The following CRYBG3 variants were observed in gnomAD, a reference collection of about 807,000 sequenced individuals.
CRYBG3 encodes very large A-kinase anchor protein.
Under a neutral mutation model 244.2 loss-of-function variants are expected in CRYBG3, and 127 were observed. That is an observed-to-expected ratio of 0.52 (90% CI 0.45 to 0.60). The LOEUF is 0.60. Ranked by LOEUF, CRYBG3 falls within the 20% of genes least tolerant of loss-of-function variation. The probability of loss-of-function intolerance (pLI) is 0.00; values close to 1 mark genes in which losing one functional copy is unlikely to be tolerated. For missense variants in CRYBG3, 3,325 were observed against 3,442.5 expected (o/e 0.97, Z 0.85); for synonymous variants, 1,132 against 1,195.8 (o/e 0.95, Z 1.10).
intron 19 of CRYBG3, 99 bp from the exon 20 acceptor site, chr3:97,941,045 TAAGA>T: frequency 1.1e-6 from 1 of 884,742 alleles, no homozygotes; most frequent in South Asian, 1.7e-5. Context: ...CTGATATAAC[TAAGA>T]TAGTTACCTC....
At chr3:97,869,726 T>A (rs898959156) in intron 3 of CRYBG3, among the ~76,000 whole-genome samples, 6 of 152,194 alleles carry the variant, frequency 3.9e-5, no homozygotes, top group African/African-American at 1.4e-4. Flanking sequence ...CTTTTCTTTA[T>A]GCATCTCCTT....
At chr3:97,840,853 A>G (rs897780933) in intron 1 of CRYBG3, among the ~76,000 whole-genome samples, 1 of 152,042 alleles carries the variant, frequency 6.6e-6, no homozygotes, top group Admixed American at 6.6e-5. Context: ...ATTATTCTTA[A>G]TTATACCCCA....
chr3:97,827,492 G>C (rs188214760), intron 1 of CRYBG3, among the ~76,000 whole-genome samples: 1 of 152,306 alleles, frequency 6.6e-6, no homozygotes. Flanking sequence ...GACTGTCCCT[G>C]AATGTTTTAC....
At chr3:97,913,441 A>G (rs2039895704) in intron 16 of CRYBG3, among the ~76,000 whole-genome samples, 1 of 152,232 alleles carries the variant, frequency 6.6e-6, no homozygotes, top group South Asian at 2.1e-4. Context: ...CAACACTGCT[A>G]TTAGATGTAG....
At chr3:97,868,209 A>G (rs1487735031) in intron 3 of CRYBG3, among the ~76,000 whole-genome samples, 3 of 151,262 alleles carry the variant, frequency 2.0e-5, no homozygotes, top group Non-Finnish European at 4.4e-5. Flanking sequence ...GCGTGAACCC[A>G]GGAGGCAGAG....
In CRYBG3 at chr3:97,822,146, CA is replaced by C. The variant is rs2038508560; in HGVS notation, c.-60del. 7.3e-7 allele frequency: 1 copy of C among 1,363,892 alleles called. No individual in the cohort carries two copies. The highest frequency in any genetic ancestry group is 1.5e-5 in the African/African-American group (1 of 66,048). The allele number at this position is 1,363,892 out of a possible 1,614,324, so 84.5% of individuals were successfully genotyped here. ...CCGCGGCGCCCGGTCGGGCTCCGGG[CA>C]CCAGGCAACACCTAGGCCGTTCCCT... On this transcript the variant is annotated 5_prime_UTR_variant, in exon 1 of 22. Coordinates refer to ENST00000389622, the MANE Select transcript of CRYBG3 (RefSeq NM_153605.4).
chr3:97,917,628 A>G (rs947472139), intron 17 of CRYBG3, among the ~76,000 whole-genome samples: 12 of 152,188 alleles, frequency 7.9e-5, no homozygotes, highest in Non-Finnish European at 1.5e-4. Flanking sequence ...TTGCTATGTA[A>G]ACCAGAAGGT....
Position 97,881,191 on chromosome 3 carries a change from T to C in CRYBG3, c.7124T>C (p.Ile2375Thr), listed in dbSNP as rs1256550993. Residue 2375 changes from isoleucine (I) to threonine (T), a missense_variant, in exon 7 of 22, where the codon ATA (isoleucine) becomes ACA (threonine). Ile to Thr is a moderately conservative substitution (Grantham distance 89). Transcript: ENST00000389622. Reference protein sequence around the residue: ...QNRRHPQRNFILGSLKRVLKD... With the variant: ...QNRRHPQRNFTLGSLKRVLKD... The stretch of plus-strand genomic sequence containing the variant: ...AGAAGGCATCCACAAAGAAACTTTA[T>C]ATTGGGTTCTCTCAAACGTGTCTTA... The C allele has an allele frequency of 2.5e-6, 4 of 1,608,890 alleles. No homozygotes were observed. Among genetic ancestry groups the C allele is most frequent in the Admixed American group, 3.4e-5 (2 of 59,258 alleles).
chr3:97,871,726 T>C, intron 3 of CRYBG3, 116 bp from the exon 4 acceptor site: 1 of 641,680 alleles, frequency 1.6e-6, no homozygotes, highest in Non-Finnish European at 2.4e-6. Flanking sequence ...ACTCCCCAAA[T>C]TGGTACATAT....
At chr3:97,866,947 A>T (rs2108207249) in intron 3 of CRYBG3, 1 of 152,290 alleles carries the variant, frequency 6.6e-6, no homozygotes, top group Admixed American at 6.5e-5. Context: ...TAGCTTTGAA[A>T]ATCCCACAGT....
intron 15 of CRYBG3, among the ~76,000 whole-genome samples, chr3:97,906,265 T>C (rs1467995129): frequency 7.8e-6 from 1 of 128,758 alleles, no homozygotes; most frequent in Non-Finnish European, 1.7e-5. Flanking sequence ...AAAGTAGTTT[T>C]TTCCAATTCT....
At chr3:97,863,876 G>T (rs936966111) in intron 2 of CRYBG3, among the ~76,000 whole-genome samples, 1 of 152,070 alleles carries the variant, frequency 6.6e-6, no homozygotes, top group African/African-American at 2.4e-5. Context: ...GCATCACATA[G>T]TCACTTTTTC....
chr3:97,845,656 G>C (rs984250107), intron 2 of CRYBG3, among the ~76,000 whole-genome samples: 8 of 152,040 alleles, frequency 5.3e-5, no homozygotes, highest in South Asian at 2.1e-4. Flanking sequence ...GCCTTGAAAG[G>C]CTAAATTCCC....
chr3:97,904,547 A>G (rs948618866), intron 15 of CRYBG3, among the ~76,000 whole-genome samples: 3 of 152,148 alleles, frequency 2.0e-5, no homozygotes, highest in Admixed American at 6.5e-5. Flanking sequence ...TCATGGCTTC[A>G]TTGTGAAAAT....
chr3:97,849,591 T>C lies in CRYBG3; in HGVS notation c.216+6330T>C, dbSNP rs368946414. Among the ~76,000 whole-genome samples, 170 of 152,282 alleles carry C rather than the reference T, an allele frequency of 1.1e-3. 1 individual carries two copies. The highest frequency in any genetic ancestry group is 3.9e-3 in the African/African-American group (162 of 41,578). ...CACTTGACATCTTGTAGTTATTGAA[T>C]TGATTGTGTTGTAAGGTATCTGGTT... On this transcript the variant is annotated intron_variant, in intron 2 of 21. Coordinates refer to ENST00000389622, the MANE Select transcript of CRYBG3 (RefSeq NM_153605.4).
Position 97,880,020 on chromosome 3 carries a change from A to G in CRYBG3, c.6924A>G (p.Lys2308=). The part of the protein sequence containing the change: ...VIYDLHESTY[K]QEVYCNIPDA... ...ATGATCTCCATGAAAGTACATATAA[A>G]CAAGAAGTCTACTGTAATATTCCTG... The change falls in exon 6 of 22, where the codon AAA becomes AAG. Residue 2308 remains lysine (K), a synonymous_variant. Coordinates refer to ENST00000389622, the MANE Select transcript of CRYBG3 (RefSeq NM_153605.4). 1 of 1,596,654 alleles carries G rather than the reference A, an allele frequency of 6.3e-7. No homozygotes were observed. Among genetic ancestry groups the G allele is most frequent in the Non-Finnish European group, 8.6e-7 (1 of 1,167,096 alleles).
chr3:97,842,171 A>G (rs890502798), intron 1 of CRYBG3, among the ~76,000 whole-genome samples: 1 of 152,184 alleles, frequency 6.6e-6, no homozygotes, highest in Non-Finnish European at 1.5e-5. Context: ...TCCTTGGCAT[A>G]TGGTAGAGAG....
chr3:97,943,462 T>C lies in CRYBG3; in HGVS notation c.*148T>C. On this transcript the variant is annotated 3_prime_UTR_variant, in exon 22 of 22. Coordinates refer to ENST00000389622, the MANE Select transcript of CRYBG3 (RefSeq NM_153605.4). Reference sequence around the variant, plus strand: ...ACATTTTCTCCAGCCTCTGAGACTATCGCTCTTAACCATGGAAAAGCTCAA... The same window carrying C: ...ACATTTTCTCCAGCCTCTGAGACTACCGCTCTTAACCATGGAAAAGCTCAA... 1 of 618,012 alleles carries C rather than the reference T, an allele frequency of 1.6e-6. No individual in the cohort carries two copies. Among genetic ancestry groups the C allele is most frequent in the South Asian group, 1.9e-5 (1 of 51,854 alleles). The allele number at this position is 618,012 out of a possible 1,614,324, so 38.3% of individuals were successfully genotyped here.
chr3:97,844,215 C>T (rs1440880912), intron 2 of CRYBG3, among the ~76,000 whole-genome samples: 1 of 152,140 alleles, frequency 6.6e-6, no homozygotes, highest in Non-Finnish European at 1.5e-5. Context: ...ACCTTGCTTT[C>T]CTTTCTTCAC....
Sources: gnomAD v4.1 joint callset for allele counts (sites outside exome capture counted in the v4.1 genomes callset) on GRCh38, gnomAD v4.1.1 for gene constraint, MANE v1.5 for transcripts, NCBI Gene and HGNC (gene_info 2026-07-23, HGNC 2026-07-21) for gene names.